DENND2B: variants seen among roughly 807,000 people sequenced by gnomAD.
The protein encoded by DENND2B is DENN domain-containing protein 2B.
A neutral mutation model predicts 116.0 loss-of-function variants in DENND2B; 32 were observed. The ratio of observed to expected loss-of-function variants is 0.28; its 90% CI spans 0.21 to 0.37. The LOEUF (loss-of-function observed/expected upper bound fraction) is 0.37. Among genes scored for constraint, DENND2B ranks in the 10% least tolerant of loss-of-function variants. The pLI, the probability that DENND2B is intolerant of heterozygous loss-of-function variation, is 1.00. For synonymous variants in DENND2B, 588 were observed against 583.9 expected, an observed-to-expected ratio of 1.01 and a Z score of -0.10; for missense variants, 1,276 against 1,477.7, an observed-to-expected ratio of 0.86 and a Z score of 2.24.
intron 1 of DENND2B, among the ~76,000 whole-genome samples, chr11:8,777,293 C>A (rs1045219924): frequency 6.6e-6 from 1 of 152,158 alleles, no homozygotes; most frequent in Admixed American, 6.5e-5. Context: ...AAAAGAGATC[C>A]TAAGACAGAC....
In DENND2B at chr11:8,718,030, T is replaced by C. The variant is rs549826775; in HGVS notation, c.1478-138A>G. Reference sequence around the variant, plus strand: ...GCCTGGCCCCTCAGCTCATGAGTCATGCAGCTGCCCGTCTGCAGTGGGGAG... The same window carrying C: ...GCCTGGCCCCTCAGCTCATGAGTCACGCAGCTGCCCGTCTGCAGTGGGGAG... On this transcript the variant is annotated intron_variant, in intron 4 of 19. Coordinates refer to ENST00000313726, the MANE Select transcript of DENND2B (RefSeq NM_213618.2). 7.8e-5 allele frequency: 71 copies of C among 908,746 alleles called. No individual in the cohort carries two copies. The South Asian group carries it at 1.1e-3, about 14-fold the overall frequency. 56.3% of individuals were successfully genotyped at this position (908,746 alleles called of 1,614,324 possible). A position where few individuals can be genotyped will look rare whatever the true frequency, so the allele number is the denominator to read the frequency against.
At chr11:8,894,524 T>C (rs2064075430) in intron 1 of DENND2B, among the ~76,000 whole-genome samples, 1 of 150,950 alleles carries the variant, frequency 6.6e-6, no homozygotes, top group Non-Finnish European at 1.5e-5. Context: ...ATATCCAGAA[T>C]CTACAATGAA....
intron 2 of DENND2B, among the ~76,000 whole-genome samples, chr11:8,746,810 C>T (rs578084051): frequency 5.3e-5 from 8 of 152,210 alleles, no homozygotes; most frequent in Non-Finnish European, 1.0e-4. Flanking sequence ...CCCAGGAGTG[C>T]TCATAGGAAG....
chr11:8,785,226 G>C (rs984755274), intron 1 of DENND2B: 2 of 152,122 alleles, frequency 1.3e-5, no homozygotes, highest in Non-Finnish European at 1.5e-5. Context: ...TTCATCCCCA[G>C]GCCCCAAATC....
intron 1 of DENND2B, among the ~76,000 whole-genome samples, chr11:8,798,632 C>T (rs2060036971): frequency 1.3e-5 from 2 of 151,966 alleles, no homozygotes; most frequent in Admixed American, 1.3e-4. Context: ...GAAAAGAAGT[C>T]TGGATATCAC....
intron 17 of DENND2B, 34 bp from the exon 18 acceptor site, chr11:8,696,700 T>G (rs750395906): frequency 1.2e-6 from 2 of 1,607,466 alleles, no homozygotes; most frequent in South Asian, 2.2e-5. Flanking sequence ...GAGGTTCAGG[T>G]CAAGAGCCTG....
intron 19 of DENND2B, chr11:8,694,512 C>A (rs2039978353): frequency 2.2e-6 from 1 of 464,344 alleles, no homozygotes; most frequent in African/African-American, 2.0e-5. Flanking sequence ...TAATGGCCTT[C>A]ATATTCACTC....
intron 3 of DENND2B, among the ~76,000 whole-genome samples, chr11:8,853,736 C>T: frequency 6.6e-6 from 1 of 152,022 alleles, no homozygotes; most frequent in East Asian, 1.9e-4. Context: ...TAAATATGTA[C>T]ATCTGTATGC....
chr11:8,697,713 G>C, intron 16 of DENND2B, 77 bp from the exon 17 acceptor site: 1 of 925,018 alleles, frequency 1.1e-6, no homozygotes, highest in Non-Finnish European at 1.8e-6. Flanking sequence ...TGTTAGAAGA[G>C]CGTGAGTAGA....
intron 13 of DENND2B, among the ~76,000 whole-genome samples, chr11:8,704,652 A>T (rs2042282735): frequency 6.6e-6 from 1 of 152,194 alleles, no homozygotes; most frequent in Non-Finnish European, 1.5e-5. Flanking sequence ...CCTCTCCTAG[A>T]ACCCAACATC....
intron 1 of DENND2B, among the ~76,000 whole-genome samples, chr11:8,891,718 C>T (rs992415888): frequency 3.3e-5 from 5 of 152,204 alleles, no homozygotes; most frequent in African/African-American, 1.2e-4. Flanking sequence ...GCACCCAATA[C>T]AGAAGCACCC....
At chr11:8,904,896 AT>A (rs1208001964) in intron 1 of DENND2B, among the ~76,000 whole-genome samples, 2 of 152,282 alleles carry the variant, frequency 1.3e-5, no homozygotes, top group East Asian at 1.9e-4. Context: ...AGTAAAAAAA[AT>A]AAAGAAAACT....
At chr11:8,788,296 C>T (rs1167600469) in intron 1 of DENND2B, among the ~76,000 whole-genome samples, 1 of 152,146 alleles carries the variant, frequency 6.6e-6, no homozygotes, top group Non-Finnish European at 1.5e-5. Flanking sequence ...GGGCTCACTG[C>T]ATTTCCTCTC....
chr11:8,807,255 T>A (rs966508301), intron 1 of DENND2B, among the ~76,000 whole-genome samples: 2 of 152,180 alleles, frequency 1.3e-5, no homozygotes, highest in African/African-American at 4.8e-5. Context: ...GAAGATGTAT[T>A]CTTCAATCCT....
chr11:8,782,080 A>G (rs2058431991), intron 1 of DENND2B, among the ~76,000 whole-genome samples: 2 of 152,262 alleles, frequency 1.3e-5, no homozygotes, highest in South Asian at 4.1e-4. Flanking sequence ...TAGCTGGCGT[A>G]CACAAACTCT....
Position 8,730,705 on chromosome 11 carries a change from C to G in DENND2B, c.585G>C (p.Trp195Cys). ...GEKREGSGSEWAASEGCPSLG... is the reference protein window; with the variant it reads ...GEKREGSGSECAASEGCPSLG... ...GGCTGGGGCAGCCCTCACTGGCCGC[C>G]CACTCGCTCCCAGAGCCCTCCCGCT... The change falls in exon 3 of 20, where the codon TGG becomes TGC. Residue 195 changes from tryptophan to cysteine, a missense_variant. Physicochemically the swap from Trp to Cys is radical, Grantham distance 215. Transcript: ENST00000313726. The surrounding 1 kb of genome is among the most constrained non-coding windows in gnomAD (Gnocchi z 4.1). 6.2e-7 allele frequency: 1 copy of G among 1,611,990 alleles called. No homozygotes were observed. Among genetic ancestry groups the G allele is most frequent in the Non-Finnish European group, 8.5e-7 (1 of 1,179,772 alleles).
At chr11:8,786,715 C>T (rs780892663) in intron 1 of DENND2B, among the ~76,000 whole-genome samples, 13 of 152,094 alleles carry the variant, frequency 8.5e-5, no homozygotes, top group Non-Finnish European at 1.8e-4. Context: ...GAGGCTGAGG[C>T]GGAAGGATCA....
chr11:8,839,360 G>T (rs2062544407), intron 3 of DENND2B: 1 of 152,242 alleles, frequency 6.6e-6, no homozygotes, highest in Non-Finnish European at 1.5e-5. Flanking sequence ...TCTGTGAAAA[G>T]AGTGGAAAGG....
In DENND2B at chr11:8,730,364, C is replaced by A; in HGVS notation, c.926G>T (p.Ser309Ile). The A allele has an allele frequency of 1.2e-6, 2 of 1,603,644 alleles. No individual in the cohort carries two copies. Among genetic ancestry groups the A allele is most frequent in the East Asian group, 4.5e-5 (2 of 44,840 alleles). ...AGTCTTCCTTTTCCCCCGGTCCACG[C>A]TGTAGCAGCTGCTGGGGAGCTGGGG... The part of the protein sequence containing the change: ...GLPQLPSSCY[S>I]VDRGKRKTGT... The change falls in exon 3 of 20, where the codon AGC (serine) becomes ATC (isoleucine). Residue 309 changes from serine (S) to isoleucine (I), a missense_variant. Ser to Ile is a moderately radical substitution (Grantham distance 142). Transcript: ENST00000313726. This position sits in a 1 kb window ranked among gnomAD's most constrained non-coding sequence, Gnocchi z 4.1.
Sources: allele counts gnomAD v4.1 joint callset (sites outside exome capture counted in the v4.1 genomes callset), GRCh38; gene constraint gnomAD v4.1.1; non-coding constraint Gnocchi (gnomAD v3.1); transcripts MANE v1.5; gene names NCBI Gene and HGNC (gene_info 2026-07-23, HGNC 2026-07-21).